RIT2: variants seen among roughly 807,000 people sequenced by gnomAD.
The protein encoded by RIT2 is Ras like without CAAX 2, also known as GTP-binding protein Rit2.
In RIT2, 24 loss-of-function variants were observed where a neutral mutation model predicts 23.7. The observed-to-expected ratio is 1.01, with a 90% CI of 0.73 to 1.43. RIT2 has a LOEUF of 1.43. RIT2 is among the 40% of genes most tolerant of loss of function. The pLI is 0.00. For missense variants in RIT2, 236 were observed against 266.9 expected, an observed-to-expected ratio of 0.88 and a Z score of 0.81; for synonymous variants, 107 against 91.1, an observed-to-expected ratio of 1.17 and a Z score of -0.99.
intron 3 of RIT2, among the ~76,000 whole-genome samples, chr18:42,947,510 T>C (rs1909755314): frequency 2.0e-5 from 3 of 152,138 alleles, no homozygotes; most frequent in Admixed American, 1.3e-4. Flanking sequence ...CCTACGCCAT[T>C]TCATGTCTCT....
chr18:42,981,151 G>A (rs1332558917), intron 2 of RIT2, among the ~76,000 whole-genome samples: 1 of 151,892 alleles, frequency 6.6e-6, no homozygotes, highest in Non-Finnish European at 1.5e-5. Flanking sequence ...GGGGATGAAG[G>A]GGAAGAGAAG....
chr18:42,772,832 G>T (rs1913582820), intron 4 of RIT2, among the ~76,000 whole-genome samples: 1 of 152,130 alleles, frequency 6.6e-6, no homozygotes, highest in African/African-American at 2.4e-5. Flanking sequence ...GGGAAGTCCT[G>T]GGGTAGTTGG....
chr18:42,945,708 G>A (rs1174527584), intron 3 of RIT2, among the ~76,000 whole-genome samples: 1 of 152,020 alleles, frequency 6.6e-6, no homozygotes, highest in East Asian at 1.9e-4. Context: ...TTTAAAACAT[G>A]CATGCATTTT....
intron 1 of RIT2, among the ~76,000 whole-genome samples, chr18:43,046,992 A>G (rs1168359895): frequency 6.6e-6 from 1 of 152,174 alleles, no homozygotes; most frequent in East Asian, 1.9e-4. Flanking sequence ...CCACTGATCT[A>G]AGGTAAAACT....
intron 4 of RIT2, among the ~76,000 whole-genome samples, chr18:42,915,122 T>C (rs1418975973): frequency 6.7e-6 from 1 of 149,796 alleles, no homozygotes; most frequent in East Asian, 2.0e-4. Flanking sequence ...TTGAATTATC[T>C]AATGCACCTA....
intron 1 of RIT2, among the ~76,000 whole-genome samples, chr18:43,094,464 T>C (rs1913503049): frequency 2.0e-5 from 3 of 151,958 alleles, no homozygotes; most frequent in Admixed American, 6.6e-5. Flanking sequence ...ATTCAGTGAA[T>C]TGACATTAGA....
chr18:42,914,237 T>C (rs146918930), intron 4 of RIT2, among the ~76,000 whole-genome samples: 10 of 152,228 alleles, frequency 6.6e-5, no homozygotes, highest in African/African-American at 1.4e-4. Flanking sequence ...TACTTCAGCA[T>C]TTCCTTTCAA....
chr18:43,077,615 C>T (rs901497480), intron 1 of RIT2, among the ~76,000 whole-genome samples: 12 of 152,170 alleles, frequency 7.9e-5, no homozygotes, highest in Admixed American at 1.3e-4. Flanking sequence ...ACTGGCTTTA[C>T]GGCTATGATG....
chr18:42,838,891 G>A (rs1328526977), intron 4 of RIT2, among the ~76,000 whole-genome samples: 2 of 152,168 alleles, frequency 1.3e-5, no homozygotes, highest in East Asian at 1.9e-4. Flanking sequence ...AAACTGGCAT[G>A]CACAATTTTC....
chr18:42,823,434 A>G (rs9960040), intron 4 of RIT2, among the ~76,000 whole-genome samples: 77,345 of 152,016 alleles, frequency 0.51, 22,132 homozygotes, highest in African/African-American at 0.79. Context: ...TTTATCAAAT[A>G]CCTACTTGGT....
intron 4 of RIT2, among the ~76,000 whole-genome samples, chr18:42,877,520 C>CTATATATATATATATATA (rs144405918): frequency 7.0e-6 from 1 of 143,752 alleles, no homozygotes; most frequent in African/African-American, 2.5e-5. Context: ...TTTGTATACA[C>CTATATATATATATATATA]TATATATATA....
At chr18:42,765,991 T>C (rs1383347051) in intron 4 of RIT2, among the ~76,000 whole-genome samples, 1 of 152,160 alleles carries the variant, frequency 6.6e-6, no homozygotes, top group Non-Finnish European at 1.5e-5. Flanking sequence ...CCTCCTGCCA[T>C]GATTCTGAAT....
At chr18:42,766,929 G>A (rs554862212) in intron 4 of RIT2, among the ~76,000 whole-genome samples, 121 of 152,334 alleles carry the variant, frequency 7.9e-4, no homozygotes, top group African/African-American at 2.8e-3. Context: ...GTACCTGTAG[G>A]TGCACAGAAG....
At chr18:43,033,904 T>G in intron 1 of RIT2, 37 bp from the exon 2 acceptor site, 1 of 1,390,590 alleles carries the variant, frequency 7.2e-7, no homozygotes. Flanking sequence ...TAATAAAAAT[T>G]CACTAATTCA....
At chr18:42,775,991 A>C (rs1015134004) in intron 4 of RIT2, among the ~76,000 whole-genome samples, 1 of 152,314 alleles carries the variant, frequency 6.6e-6, no homozygotes, top group East Asian at 1.9e-4. Flanking sequence ...AATTGATGTG[A>C]TGAGATCATG....
intron 2 of RIT2, among the ~76,000 whole-genome samples, chr18:43,026,634 A>AAGAG (rs778464703): frequency 0.097 from 9,662 of 100,088 alleles, 716 homozygotes; most frequent in Non-Finnish European, 0.14. Context: ...GAAAGAAAGA[A>AAGAG]AGAGAGAAAG....
chr18:43,025,051 T>C lies in RIT2; in HGVS notation c.160+8760A>G, dbSNP rs576282666. 2.3e-3 allele frequency among the ~76,000 whole-genome samples: 349 copies of C among 151,624 alleles called. 1 individual carries two copies. Among genetic ancestry groups the C allele is most frequent in the African/African-American group, 7.9e-3 (329 of 41,408 alleles). ...GGCGAAACCTCATCTCCACTAAAAATACAAAAATTAGTAGGGCATTGTGGC... is the reference window on the plus strand; with the variant it reads ...GGCGAAACCTCATCTCCACTAAAAACACAAAAATTAGTAGGGCATTGTGGC... On this transcript the variant is annotated intron_variant, in intron 2 of 4. Coordinates refer to ENST00000326695, the MANE Select transcript of RIT2 (RefSeq NM_002930.4).
chr18:42,993,114 G>A (rs1169607757), intron 2 of RIT2, among the ~76,000 whole-genome samples: 3 of 152,180 alleles, frequency 2.0e-5, no homozygotes, highest in Non-Finnish European at 2.9e-5. Context: ...GCAGCCAGGT[G>A]TTCCTCCAGA....
intron 4 of RIT2, among the ~76,000 whole-genome samples, chr18:42,752,960 C>T (rs569692049): frequency 6.6e-6 from 1 of 152,166 alleles, no homozygotes; most frequent in African/African-American, 2.4e-5. Flanking sequence ...ATTTCAATAA[C>T]CCAGGGGTGC....
Sources: gnomAD v4.1 joint callset for allele counts (sites outside exome capture counted in the v4.1 genomes callset) on GRCh38, gnomAD v4.1.1 for gene constraint, MANE v1.5 for transcripts, NCBI Gene and HGNC (gene_info 2026-07-23, HGNC 2026-07-21) for gene names.